BGN: variants seen among roughly 807,000 people sequenced by gnomAD.
The protein encoded by BGN is biglycan.
Under a neutral mutation model 20.0 loss-of-function variants are expected in BGN, and 6 were observed. That is an observed-to-expected ratio of 0.30 (90% CI 0.16 to 0.59). The LOEUF (loss-of-function observed/expected upper bound fraction) is 0.59. Ranked by LOEUF, BGN falls within the 20% of genes least tolerant of loss-of-function variation. The pLI is 0.88. For synonymous variants in BGN, 146 were observed against 134.6 expected, an observed-to-expected ratio of 1.08 and a Z score of -0.59; for missense variants, 292 against 312.1, an observed-to-expected ratio of 0.94 and a Z score of 0.49.
At chrX:153,502,343 G>A (rs370560235) in intron 1 of BGN, among the ~76,000 whole-genome samples, 3 of 112,002 alleles carry the variant, frequency 2.7e-5, no homozygotes, top group East Asian at 5.7e-4. Context: ...GGGAGGTAGC[G>A]GCTTTGGCAG....
intron 3 of BGN, 66 bp downstream of exon 3, chrX:153,505,416 G>A (rs1556992856): frequency 6.3e-6 from 6 of 945,131 alleles, no homozygotes; most frequent in East Asian, 3.2e-5. Flanking sequence ...GTGCATGTGC[G>A]TGGACGTGTG....
At chrX:153,498,136 C>A (rs1303025168) in intron 1 of BGN, among the ~76,000 whole-genome samples, 1 of 112,829 alleles carries the variant, frequency 8.9e-6, no homozygotes, top group Non-Finnish European at 1.9e-5. Context: ...CTCTAGCCAG[C>A]CTTCTTGCAT....
rs1556992799 is a variant in BGN, at chrX:153,505,298, A to G, written c.299A>G (p.Asn100Ser). Residue 100 changes from asparagine to serine, a missense_variant, in exon 3 of 8, where the codon AAC (asparagine) becomes AGC (serine). By Grantham distance (46) the Asn-to-Ser change is conservative. Coordinates refer to ENST00000331595, the MANE Select transcript of BGN (RefSeq NM_001711.6). The part of the protein sequence containing the change: ...PDTTLLDLQN[N>S]DISELRKDDF... ...ACCACGCTGCTGGACCTGCAGAACA[A>G]CGACATCTCCGAGCTCCGCAAGGAT... The G allele has an allele frequency of 1.7e-6, 2 of 1,210,718 alleles. No homozygotes were observed. Among genetic ancestry groups the G allele is most frequent in the Admixed American group, 4.3e-5 (2 of 46,049 alleles).
In BGN at chrX:153,504,681, T is replaced by C; in HGVS notation, c.50T>C (p.Leu17Pro). ...TCTCTGCTGGCCCTGAGCCAGGCCCTGCCCTTTGAGCAGAGAGGCTTCTGG... is the reference window on the plus strand; with the variant it reads ...TCTCTGCTGGCCCTGAGCCAGGCCCCGCCCTTTGAGCAGAGAGGCTTCTGG... The part of the protein sequence containing the change: ...LVSLLALSQA[L>P]PFEQRGFWDF... Residue 17 changes from leucine (L) to proline (P), a missense_variant, in exon 2 of 8, where the codon CTG becomes CCG. Coordinates refer to ENST00000331595, the MANE Select transcript of BGN (RefSeq NM_001711.6). 8.3e-7 allele frequency: 1 copy of C among 1,211,808 alleles called. No homozygotes were observed. The highest frequency in any genetic ancestry group is 1.1e-6 in the Non-Finnish European group (1 of 895,359).
intron 1 of BGN, among the ~76,000 whole-genome samples, chrX:153,496,075 GC>G (rs1457138035): frequency 8.9e-6 from 1 of 111,972 alleles, no homozygotes; most frequent in Non-Finnish European, 1.9e-5. Context: ...CGCCTGCTGA[GC>G]AGAGCAGGGG....
intron 1 of BGN, among the ~76,000 whole-genome samples, chrX:153,496,058 G>A (rs1452445267): frequency 8.9e-6 from 1 of 112,069 alleles, no homozygotes; most frequent in Admixed American, 9.3e-5. Context: ...GGGGCTGGGT[G>A]CCTGAGCGCC....
At chrX:153,498,652 G>A (rs1262834571) in intron 1 of BGN, among the ~76,000 whole-genome samples, 1 of 112,685 alleles carries the variant, frequency 8.9e-6, no homozygotes, top group East Asian at 2.8e-4. Flanking sequence ...CCTGGCCTTG[G>A]TGGGCCTGTA....
At chrX:153,507,342 G>T (rs1242798951) in intron 7 of BGN, among the ~76,000 whole-genome samples, 157 bp downstream of exon 7, 1 of 112,649 alleles carries the variant, frequency 8.9e-6, no homozygotes, top group Non-Finnish European at 1.9e-5. Context: ...TGCTGAGGAG[G>T]CAGGGAGCAG....
intron 1 of BGN, among the ~76,000 whole-genome samples, chrX:153,496,948 G>GCCCCCCCCCCACCC (rs782676136): frequency 9.1e-4 from 52 of 57,190 alleles, no homozygotes; most frequent in East Asian, 3.9e-3. Context: ...TGCTTCCCGG[G>GCCCCCCCCCCACCC]CCCACCCCCC....
intron 7 of BGN, among the ~76,000 whole-genome samples, chrX:153,507,399 C>G (rs1196008758): frequency 8.9e-6 from 1 of 112,700 alleles, no homozygotes; most frequent in Admixed American, 9.3e-5. Flanking sequence ...AGCTCTTGGA[C>G]CCGAGGGTCT....
In BGN at chrX:153,505,844, T is replaced by TC. The variant is rs781885733; in HGVS notation, c.352-17dup. 3 of 1,201,043 alleles carry TC rather than the reference T, an allele frequency of 2.5e-6. No individual in the cohort carries two copies. Among genetic ancestry groups the TC allele is most frequent in the Non-Finnish European group, 3.4e-6 (3 of 887,745 alleles). On this transcript the variant is annotated intron_variant, in intron 3 of 7. Transcript: ENST00000331595. ...GTGGGGAGTCTGTGCCTTCACCTCC[T>TC]CCGCCCACCCTGCTTCAGGCCCTCG...
intron 1 of BGN, 72 bp from the exon 2 acceptor site, chrX:153,504,549 G>A (rs782149171): frequency 3.9e-5 from 36 of 911,569 alleles, no homozygotes; most frequent in East Asian, 3.8e-4. Context: ...CCACACACGC[G>A]GAACACCAGC....
intron 1 of BGN, among the ~76,000 whole-genome samples, chrX:153,498,311 G>A (rs2089733450): frequency 8.9e-6 from 1 of 112,841 alleles, no homozygotes; most frequent in Admixed American, 9.3e-5. Flanking sequence ...ATGGGCCAAG[G>A]GGAGCATGGC....
intron 1 of BGN, among the ~76,000 whole-genome samples, chrX:153,501,024 G>A (rs1435721733): frequency 1.8e-5 from 2 of 111,262 alleles, no homozygotes; most frequent in African/African-American, 6.6e-5. Flanking sequence ...GTGTGTGCAC[G>A]TATATGTGTG....
rs186168604 is a variant in BGN at position 153,509,021 on chromosome X, C to T, written c.*576C>T. 2.1e-3 allele frequency: 216 copies of T among 101,353 alleles called. 1 individual carries two copies. Among genetic ancestry groups the T allele is most frequent in the Middle Eastern group, 4.7e-3 (1 of 213 alleles). 8.4% of individuals were successfully genotyped at this position (101,353 alleles called of 1,213,427 possible). On this transcript the variant is annotated 3_prime_UTR_variant, in exon 8 of 8. Transcript: ENST00000331595. ...TCCTCCCTTCTGTTCTCTCTTTCCCCGTCCTTCCTCTCTCTCTCTCTCTCT... is the reference window on the plus strand; with the variant it reads ...TCCTCCCTTCTGTTCTCTCTTTCCCTGTCCTTCCTCTCTCTCTCTCTCTCT...
intron 7 of BGN, among the ~76,000 whole-genome samples, chrX:153,507,528 C>T (rs782267918): frequency 8.9e-6 from 1 of 112,752 alleles, no homozygotes; most frequent in East Asian, 2.8e-4. Context: ...AGTAGGCTGA[C>T]GAGGGGGAGC....
intron 1 of BGN, among the ~76,000 whole-genome samples, chrX:153,502,912 ACCACAGGCCCCTCTGT>A (rs1556992144): frequency 8.9e-6 from 1 of 112,339 alleles, no homozygotes; most frequent in Non-Finnish European, 1.9e-5. Context: ...CCACAGCCTC[ACCACAGGCCCCTCTGT>A]CCACAGGTGT....
intron 1 of BGN, among the ~76,000 whole-genome samples, chrX:153,501,137 G>A (rs2089757607): frequency 9.2e-6 from 1 of 109,096 alleles, no homozygotes; most frequent in African/African-American, 3.3e-5. Flanking sequence ...GTTTTGTATA[G>A]GTGTGTGCGT....
At chrX:153,503,933 C>T (rs2089779327) in intron 1 of BGN, among the ~76,000 whole-genome samples, 1 of 112,033 alleles carries the variant, frequency 8.9e-6, no homozygotes, top group South Asian at 3.7e-4. Flanking sequence ...GTGTTGGGGG[C>T]GCCACGGCCT....
Sources: gnomAD v4.1 joint callset for allele counts (sites outside exome capture counted in the v4.1 genomes callset) on GRCh38, gnomAD v4.1.1 for gene constraint, MANE v1.5 for transcripts, NCBI Gene and HGNC (gene_info 2026-07-23, HGNC 2026-07-21) for gene names.